The following TCAF1 variants were observed in gnomAD, a reference collection of about 807,000 sequenced individuals.
The protein encoded by TCAF1 is TRPM8 channel associated factor 1, also known as TRPM8 channel-associated factor 1.
A neutral mutation model predicts 27.3 loss-of-function variants in TCAF1; 4 were observed. The ratio of observed to expected loss-of-function variants is 0.15; its 90% CI spans 0.07 to 0.34. The LOEUF (loss-of-function observed/expected upper bound fraction) is 0.34. TCAF1 is among the 10% of genes least tolerant of loss of function. The probability of loss-of-function intolerance (pLI) is 1.00; values close to 1 mark genes in which losing one functional copy is unlikely to be tolerated. For missense variants in TCAF1, 257 were observed against 425.8 expected, an observed-to-expected ratio of 0.60 and a Z score of 3.49; for synonymous variants, 105 against 167.1, an observed-to-expected ratio of 0.63 and a Z score of 2.87.
chr7:143,858,649 TAA>T (rs1177100589), intron 7 of TCAF1, among the ~76,000 whole-genome samples, 173 bp downstream of exon 7: 3 of 152,184 alleles, frequency 2.0e-5, no homozygotes, highest in Non-Finnish European at 4.4e-5. Flanking sequence ...GGCGATGCAC[TAA>T]GAGACATCAT....
chr7:143,857,594 C>A (rs1333567145), intron 7 of TCAF1, among the ~76,000 whole-genome samples: 2 of 152,286 alleles, frequency 1.3e-5, no homozygotes, highest in African/African-American at 4.8e-5. Flanking sequence ...CAGTGAGGGC[C>A]ATGGTAACAA....
intron 1 of TCAF1, among the ~76,000 whole-genome samples, chr7:143,890,909 T>C (rs1330997573): frequency 1.3e-5 from 2 of 152,192 alleles, no homozygotes; most frequent in South Asian, 2.1e-4. Context: ...AGCTAAACAG[T>C]TGAGCAGTCA....
At chr7:143,879,384 A>G (rs1812896280) in intron 1 of TCAF1, among the ~76,000 whole-genome samples, 1 of 152,236 alleles carries the variant, frequency 6.6e-6, no homozygotes, top group Admixed American at 6.5e-5. Flanking sequence ...GATGAAGATG[A>G]AGAAGACAAA....
At chr7:143,858,201 TCTCCAGTTTCATGCCAGGAACTGATCCAG>T (rs1437189562) in intron 7 of TCAF1, among the ~76,000 whole-genome samples, 203 of 3,968 alleles carry the variant, frequency 0.051, no homozygotes, top group African/African-American at 0.16. Context: ...GTGATGAAAC[TCTCCAGTTTCATGCCAGGAACTGATCCAG>T]GCATTGCAGG....
chr7:143,897,357 G>C (rs1813932636), intron 1 of TCAF1, among the ~76,000 whole-genome samples: 1 of 151,120 alleles, frequency 6.6e-6, no homozygotes, highest in Non-Finnish European at 1.5e-5. Context: ...TTTACTTAAT[G>C]AATGGTAAAT....
At chr7:143,889,392 A>G (rs1017029104) in intron 1 of TCAF1, among the ~76,000 whole-genome samples, 8 of 152,218 alleles carry the variant, frequency 5.3e-5, no homozygotes, top group Non-Finnish European at 8.8e-5. Context: ...GACACCAAAG[A>G]CATCTCAATT....
intron 1 of TCAF1, among the ~76,000 whole-genome samples, chr7:143,897,366 A>G (rs1813933026): frequency 6.6e-6 from 1 of 151,396 alleles, no homozygotes; most frequent in East Asian, 1.9e-4. Flanking sequence ...TGAATGGTAA[A>G]TATGTTTTCT....
chr7:143,892,446 C>A (rs556007336), intron 1 of TCAF1, among the ~76,000 whole-genome samples: 1 of 149,116 alleles, frequency 6.7e-6, no homozygotes, highest in Admixed American at 6.7e-5. Flanking sequence ...GTGTTGAATT[C>A]GAAAGAAATC....
At position 143,878,463 on chromosome 7, in the gene TCAF1, G is replaced by A. The variant is rs149583390; in HGVS notation, c.-14-1841C>T. 9.1e-3 allele frequency among the ~76,000 whole-genome samples: 1,387 copies of A among 152,232 alleles called. 25 individuals are homozygous for A. Among genetic ancestry groups the A allele is most frequent in the African/African-American group, 0.031 (1,299 of 41,532 alleles). ...AGGCTGTGGGCCTTCCACAAGCCAG[G>A]ATAAAATAGCCCCAGTCTTGAGGTA... On this transcript the variant is annotated intron_variant, in intron 1 of 8. Coordinates refer to ENST00000479870, the MANE Select transcript of TCAF1 (RefSeq NM_014719.3).
chr7:143,900,397 T>A (rs1009656560), intron 1 of TCAF1, among the ~76,000 whole-genome samples: 1 of 152,120 alleles, frequency 6.6e-6, no homozygotes, highest in African/African-American at 2.4e-5. Flanking sequence ...GGGAGTAAGC[T>A]GCCATGTTGC....
chr7:143,890,056 T>TCGGCTCACTGCAAGTTCCGCCC (rs1455184619), intron 1 of TCAF1, among the ~76,000 whole-genome samples: 2 of 152,092 alleles, frequency 1.3e-5, no homozygotes, highest in African/African-American at 2.4e-5. Context: ...TGGCTCGATC[T>TCGGCTCACTGCAAGTTCCGCCC]CGGCTCACTG....
At chr7:143,886,779 T>C (rs1243545927) in intron 1 of TCAF1, among the ~76,000 whole-genome samples, 1 of 134,924 alleles carries the variant, frequency 7.4e-6, no homozygotes, top group Non-Finnish European at 1.5e-5. Flanking sequence ...AACCTCGAAC[T>C]CCTGGGCTCA....
chr7:143,859,981 T>TTATGTAATATATATTATATATTATA (rs1811871073), intron 6 of TCAF1, among the ~76,000 whole-genome samples: 1 of 43,504 alleles, frequency 2.3e-5, no homozygotes, highest in Non-Finnish European at 4.0e-5. Flanking sequence ...ATAATATATA[T>TTATGTAATATATATTATATATTATA]TATATAATAT....
chr7:143,859,984 TATAA>T (rs1811875636), intron 6 of TCAF1, among the ~76,000 whole-genome samples: 7 of 25,282 alleles, frequency 2.8e-4, no homozygotes, highest in Admixed American at 1.1e-3. Flanking sequence ...ATATATATTA[TATAA>T]TATATATTAT....
intron 3 of TCAF1, 102 bp from the exon 4 acceptor site, chr7:143,862,615 C>CA: frequency 1.4e-4 from 1 of 7,180 alleles, no homozygotes; most frequent in South Asian, 7.4e-4. Context: ...TCTTCCCCTA[C>CA]ATGCTGCCTT....
At chr7:143,867,509 G>A (rs1812233777) in intron 2 of TCAF1, among the ~76,000 whole-genome samples, 1 of 151,862 alleles carries the variant, frequency 6.6e-6, no homozygotes, top group South Asian at 2.1e-4. Context: ...AGTTCTCCAT[G>A]TATTCTGAAT....
Position 143,882,934 on chromosome 7 carries a change from A to T in TCAF1, c.-14-6312T>A, listed in dbSNP as rs1813157422. ...TCCTCCCCACTTCCTCCCAGGCTGG[A>T]GTGGGAGCTCCAGGGGGCGGCGCTT... is the stretch of plus-strand genomic sequence containing the variant. On this transcript the variant is annotated intron_variant, in intron 1 of 8. Transcript: ENST00000479870. 6 of 942,638 alleles carry T rather than the reference A, an allele frequency of 6.4e-6. No individual in the cohort carries two copies. In the Admixed American group the frequency reaches 3.7e-4, roughly 58 times the overall value. The allele number at this position is 942,638 out of a possible 1,614,324, so 58.4% of individuals were successfully genotyped here. A position where few individuals can be genotyped will look rare whatever the true frequency, so the allele number is the denominator to read the frequency against.
intron 1 of TCAF1, chr7:143,882,988 C>G (rs1300099782): frequency 1.8e-6 from 1 of 565,706 alleles, no homozygotes; most frequent in African/African-American, 2.0e-5. Flanking sequence ...TTTGTGTCGC[C>G]GGCCCTGGTG....
At chr7:143,895,603 T>C (rs1813835825) in intron 1 of TCAF1, among the ~76,000 whole-genome samples, 1 of 151,718 alleles carries the variant, frequency 6.6e-6, no homozygotes, top group African/African-American at 2.4e-5. Context: ...CACTTATTAT[T>C]TGTGAACCTA....
Sources: gnomAD v4.1 joint callset for allele counts (sites outside exome capture counted in the v4.1 genomes callset) on GRCh38, gnomAD v4.1.1 for gene constraint, MANE v1.5 for transcripts, NCBI Gene and HGNC (gene_info 2026-07-23, HGNC 2026-07-21) for gene names.